The following FHIT variants were observed in gnomAD, a reference collection of about 807,000 sequenced individuals.
FHIT encodes fragile histidine triad diadenosine triphosphatase.
Under a neutral mutation model 17.9 loss-of-function variants are expected in FHIT, and 19 were observed. The observed-to-expected ratio is 1.06, with a 90% CI of 0.74 to 1.56. The LOEUF (loss-of-function observed/expected upper bound fraction) is 1.56. Ranked by LOEUF, FHIT falls within the 40% of genes most tolerant of loss-of-function variation. The pLI, the probability that FHIT is intolerant of heterozygous loss-of-function variation, is 0.00. For synonymous variants in FHIT, 81 were observed against 69.7 expected, an observed-to-expected ratio of 1.16 and a Z score of -0.81; for missense variants, 248 against 189.2, an observed-to-expected ratio of 1.31 and a Z score of -1.82.
intron 5 of FHIT, among the ~76,000 whole-genome samples, chr3:60,165,806 G>A (rs1008086946): frequency 4.6e-5 from 7 of 152,032 alleles, no homozygotes; most frequent in East Asian, 1.9e-4. Flanking sequence ...AGAGTATAAC[G>A]GGAAAAATAC....
At chr3:60,005,428 G>T (rs949141050) in intron 7 of FHIT, among the ~76,000 whole-genome samples, 1 of 152,080 alleles carries the variant, frequency 6.6e-6, no homozygotes, top group Non-Finnish European at 1.5e-5. Flanking sequence ...TGGGGACTGG[G>T]GGTTTTGCCT....
intron 4 of FHIT, among the ~76,000 whole-genome samples, chr3:60,717,635 G>A (rs1553707106): frequency 1.3e-5 from 2 of 152,138 alleles, no homozygotes; most frequent in Non-Finnish European, 2.9e-5. Context: ...TAAAGAAATT[G>A]CATATGTGAA....
At chr3:59,768,203 G>T (rs1046869378) in intron 8 of FHIT, among the ~76,000 whole-genome samples, 8 of 152,164 alleles carry the variant, frequency 5.3e-5, no homozygotes, top group African/African-American at 1.9e-4. Context: ...TTAAAAAGCA[G>T]AAATTCTAGG....
chr3:60,257,813 A>G (rs1706079300), intron 5 of FHIT, among the ~76,000 whole-genome samples: 1 of 152,150 alleles, frequency 6.6e-6, no homozygotes, highest in Non-Finnish European at 1.5e-5. Flanking sequence ...TGAATACCAA[A>G]TGTTCTCACC....
At position 60,959,534 on chromosome 3, in the gene FHIT, T is replaced by C. The variant is rs183498645; in HGVS notation, c.-111+82513A>G. Among the ~76,000 whole-genome samples, 475 of 152,188 alleles carry C rather than the reference T, an allele frequency of 3.1e-3. 12 individuals are homozygous for C. Among genetic ancestry groups the C allele is most frequent in the Admixed American group, 0.026 (402 of 15,284 alleles). ...ACTATCTTGTTGGGGAGAAAGGCAGTGAGGAAATAGTAATGCAGAGCAGTG... is the reference window on the plus strand; with the variant it reads ...ACTATCTTGTTGGGGAGAAAGGCAGCGAGGAAATAGTAATGCAGAGCAGTG... On this transcript the variant is annotated intron_variant, in intron 3 of 9. Coordinates refer to ENST00000492590, the MANE Select transcript of FHIT (RefSeq NM_002012.4).
intron 5 of FHIT, among the ~76,000 whole-genome samples, chr3:60,088,664 C>T (rs535902728): frequency 6.6e-6 from 1 of 152,248 alleles, no homozygotes; most frequent in South Asian, 2.1e-4. Context: ...TTAGGCTCAA[C>T]CCTACTTTAT....
chr3:60,910,702 A>G (rs754646515), intron 3 of FHIT, among the ~76,000 whole-genome samples: 1 of 152,058 alleles, frequency 6.6e-6, no homozygotes, highest in African/African-American at 2.4e-5. Flanking sequence ...ATGAGCCACC[A>G]TGCCCGGCCC....
At chr3:59,936,925 G>A (rs954167141) in intron 7 of FHIT, among the ~76,000 whole-genome samples, 1 of 152,270 alleles carries the variant, frequency 6.6e-6, no homozygotes, top group South Asian at 2.1e-4. Flanking sequence ...TCTTTCCAGT[G>A]CTAACAAAGA....
intron 5 of FHIT, among the ~76,000 whole-genome samples, chr3:60,495,342 A>T (rs1483609083): frequency 6.6e-6 from 1 of 152,264 alleles, no homozygotes; most frequent in Non-Finnish European, 1.5e-5. Context: ...TTAAGGGAAT[A>T]CTCTTAAAGA....
At chr3:60,561,461 T>A (rs2036943005) in intron 4 of FHIT, among the ~76,000 whole-genome samples, 1 of 151,550 alleles carries the variant, frequency 6.6e-6, no homozygotes, top group African/African-American at 2.4e-5. Flanking sequence ...TTGAGCCATT[T>A]TTTTCCCAGC....
intron 5 of FHIT, among the ~76,000 whole-genome samples, chr3:60,492,135 T>TA (rs1263415582): frequency 6.6e-6 from 1 of 152,226 alleles, no homozygotes; most frequent in Non-Finnish European, 1.5e-5. Flanking sequence ...ACATAATCTT[T>TA]AAAAATCCTA....
chr3:60,266,007 G>A (rs1010512808), intron 5 of FHIT, among the ~76,000 whole-genome samples: 2 of 151,778 alleles, frequency 1.3e-5, no homozygotes, highest in African/African-American at 4.8e-5. Flanking sequence ...CATAAAGATA[G>A]TATATATAAA....
At chr3:60,573,690 G>A (rs1448478747) in intron 4 of FHIT, among the ~76,000 whole-genome samples, 4 of 152,186 alleles carry the variant, frequency 2.6e-5, no homozygotes, top group African/African-American at 7.2e-5. Context: ...AAGGCTGGGT[G>A]AGAGTGATGA....
chr3:60,478,808 A>G (rs576831005), intron 5 of FHIT, among the ~76,000 whole-genome samples: 1 of 152,352 alleles, frequency 6.6e-6, no homozygotes, highest in East Asian at 1.9e-4. Flanking sequence ...AGGCACAGAA[A>G]AAGTATTCAT....
At chr3:60,966,106 C>A (rs1051129751) in intron 3 of FHIT, among the ~76,000 whole-genome samples, 2 of 152,140 alleles carry the variant, frequency 1.3e-5, no homozygotes, top group African/African-American at 4.8e-5. Context: ...GCTTCTAGGC[C>A]GCTTTGTTTA....
chr3:60,661,100 G>C (rs2040236898), intron 4 of FHIT, among the ~76,000 whole-genome samples: 1 of 151,848 alleles, frequency 6.6e-6, no homozygotes, highest in South Asian at 2.1e-4. Context: ...GGTGGTGTTT[G>C]GTTACATGAA....
At chr3:60,106,193 C>T (rs1015140788) in intron 5 of FHIT, among the ~76,000 whole-genome samples, 3 of 152,186 alleles carry the variant, frequency 2.0e-5, no homozygotes, top group African/African-American at 7.2e-5. Flanking sequence ...TTAAGTAACT[C>T]TTCTCTTACT....
intron 5 of FHIT, among the ~76,000 whole-genome samples, chr3:60,412,525 T>C (rs1702100110): frequency 6.6e-6 from 1 of 152,104 alleles, no homozygotes; most frequent in Non-Finnish European, 1.5e-5. Context: ...ATAACTGGAA[T>C]TGTACTCAGT....
chr3:59,995,157 C>A (rs1699454327), intron 7 of FHIT, among the ~76,000 whole-genome samples: 1 of 151,892 alleles, frequency 6.6e-6, no homozygotes, highest in Non-Finnish European at 1.5e-5. Context: ...TACAAATCTG[C>A]TGCTGCAACC....
Sources: gnomAD v4.1 joint callset for allele counts (sites outside exome capture counted in the v4.1 genomes callset) on GRCh38, gnomAD v4.1.1 for gene constraint, MANE v1.5 for transcripts, NCBI Gene and HGNC (gene_info 2026-07-23, HGNC 2026-07-21) for gene names.